The following TNFRSF10D variants were observed in gnomAD, a reference collection of about 807,000 sequenced individuals.
TNFRSF10D encodes TNF receptor superfamily member 10d, also known as tumor necrosis factor receptor superfamily member 10D.
Under a neutral mutation model 42.1 loss-of-function variants are expected in TNFRSF10D, and 28 were observed. The ratio of observed to expected loss-of-function variants is 0.66; its 90% CI spans 0.49 to 0.91. The LOEUF (loss-of-function observed/expected upper bound fraction) is 0.91. Ranked by LOEUF, TNFRSF10D falls within the 40% of genes least tolerant of loss-of-function variation. The pLI, the probability that TNFRSF10D is intolerant of heterozygous loss-of-function variation, is 0.00. For missense variants in TNFRSF10D, 503 were observed against 486.1 expected, an observed-to-expected ratio of 1.03 and a Z score of -0.33; for synonymous variants, 186 against 189.4, an observed-to-expected ratio of 0.98 and a Z score of 0.15.
At chr8:23,159,113 G>A (rs866502276) in intron 1 of TNFRSF10D, among the ~76,000 whole-genome samples, 4 of 150,170 alleles carry the variant, frequency 2.7e-5, no homozygotes, top group Middle Eastern at 3.4e-3. Context: ...GTGTGTCTGT[G>A]TCTGTGGTTT....
In TNFRSF10D at chr8:23,145,848, C is replaced by T. The variant is rs564770894; in HGVS notation, c.556G>A (p.Ala186Thr). Residue 186 changes from alanine to threonine, a missense_variant, in exon 5 of 9, where the codon GCC becomes ACC. Transcript: ENST00000312584. The stretch of plus-strand genomic sequence containing the variant: ...GCTGGGGTTTTCCCAGTGGAACTGG[C>T]AGCTGATTCATTTTTGCACTTGATG... ...SDIKCKNESAASSTGKTPAAE... is the reference protein window; with the variant it reads ...SDIKCKNESATSSTGKTPAAE... 1 of 1,614,218 alleles carries T rather than the reference C, an allele frequency of 6.2e-7. No individual in the cohort carries two copies. The highest frequency in any genetic ancestry group is 1.1e-5 in the South Asian group (1 of 91,086).
intron 7 of TNFRSF10D, among the ~76,000 whole-genome samples, chr8:23,140,117 A>G (rs60535259): frequency 0.18 from 27,663 of 151,948 alleles, 3,005 homozygotes; most frequent in African/African-American, 0.31. Context: ...GTGAAACCCC[A>G]CCTCTACTAA....
intron 2 of TNFRSF10D, among the ~76,000 whole-genome samples, chr8:23,153,647 A>G (rs1211818513): frequency 1.3e-5 from 2 of 152,140 alleles, no homozygotes; most frequent in Admixed American, 1.3e-4. Flanking sequence ...AATCAGGGAA[A>G]TGCAAATCAA....
At chr8:23,163,357 C>A (rs1445727279) in intron 1 of TNFRSF10D, among the ~76,000 whole-genome samples, 2 of 152,188 alleles carry the variant, frequency 1.3e-5, no homozygotes, top group Non-Finnish European at 2.9e-5. Flanking sequence ...CCCGCCTCGG[C>A]CTCCCAACGT....
In TNFRSF10D at chr8:23,148,456, A is replaced by G; in HGVS notation, c.352T>C (p.Cys118Arg). 10 of 1,609,528 alleles carry G rather than the reference A, an allele frequency of 6.2e-6. No individual in the cohort carries two copies. Among genetic ancestry groups the G allele is most frequent in the Non-Finnish European group, 8.5e-6 (10 of 1,176,946 alleles). The change falls in exon 3 of 9, where the codon TGT becomes CGT. Residue 118 changes from cysteine to arginine, a missense_variant. Coordinates refer to ENST00000312584, the MANE Select transcript of TNFRSF10D (RefSeq NM_003840.5). ...ASNNLPSCLL[C>R]TVCKSGQTNK... is the part of the protein sequence containing the mutation. ...TCTGTACCTGATTTACAAACTGTAC[A>G]TAGCAGGCAAGAAGGCAAATTGTTG... is the stretch of plus-strand genomic sequence containing the variant.
At chr8:23,145,628 C>A (rs1404944194) in intron 5 of TNFRSF10D, 40 bp downstream of exon 5, 5 of 1,611,848 alleles carry the variant, frequency 3.1e-6, no homozygotes, top group Non-Finnish European at 2.5e-6. Context: ...GAGGGCAGGG[C>A]AGACAGTGCC....
At chr8:23,157,447 G>C (rs572018092) in intron 1 of TNFRSF10D, among the ~76,000 whole-genome samples, 6 of 151,976 alleles carry the variant, frequency 3.9e-5, no homozygotes, top group African/African-American at 1.5e-4. Flanking sequence ...AGGTCATATC[G>C]CGTGTTTTAT....
In TNFRSF10D at chr8:23,147,082, G is replaced by A. The variant is rs1278590581; in HGVS notation, c.371-10C>T. ...CTTTTATTTGTTTGACCTGACAACA[G>A]AGCATAAGGTTTTGAGAATGTGTTT... On this transcript the variant is annotated splice_polypyrimidine_tract_variant and intron_variant, in intron 3 of 8. Transcript: ENST00000312584. 1 of 1,609,620 alleles carries A rather than the reference G, an allele frequency of 6.2e-7. No homozygotes were observed. The highest frequency in any genetic ancestry group is 2.2e-5 in the East Asian group (1 of 44,852).
At chr8:23,140,476 A>G (rs1814443569) in intron 7 of TNFRSF10D, among the ~76,000 whole-genome samples, 1 of 152,162 alleles carries the variant, frequency 6.6e-6, no homozygotes, top group Admixed American at 6.5e-5. Context: ...ATTACAAAAC[A>G]CTGCTAAAAG....
At chr8:23,151,335 T>A (rs1800209995) in intron 2 of TNFRSF10D, among the ~76,000 whole-genome samples, 1 of 152,026 alleles carries the variant, frequency 6.6e-6, no homozygotes, top group Non-Finnish European at 1.5e-5. Context: ...CAGTAAAGAC[T>A]TTATCAGACA....
At chr8:23,154,146 A>G (rs975298042) in intron 2 of TNFRSF10D, among the ~76,000 whole-genome samples, 1 of 152,238 alleles carries the variant, frequency 6.6e-6, no homozygotes, top group Non-Finnish European at 1.5e-5. Context: ...ATGATCTCAC[A>G]TATGTGGAAT....
chr8:23,154,250 CA>C (rs1474792974), intron 2 of TNFRSF10D, among the ~76,000 whole-genome samples: 5 of 152,098 alleles, frequency 3.3e-5, no homozygotes, highest in Non-Finnish European at 7.4e-5. Context: ...TCAAAGGATA[CA>C]AAATTTCAGT....
intron 1 of TNFRSF10D, among the ~76,000 whole-genome samples, chr8:23,163,090 T>TC (rs10667043): frequency 0.041 from 134 of 3,288 alleles, 3 homozygotes; most frequent in East Asian, 0.062. Context: ...CCTGGCTAAC[T>TC]TTTTTTTTTT....
intron 7 of TNFRSF10D, among the ~76,000 whole-genome samples, chr8:23,138,494 C>CCACTG (rs1404931490): frequency 6.0e-3 from 914 of 152,166 alleles, no homozygotes; most frequent in African/African-American, 0.019. Flanking sequence ...CCAACTTTGA[C>CCACTG]TATAGGCCTG....
At chr8:23,140,237 T>G (rs1018782307) in intron 7 of TNFRSF10D, among the ~76,000 whole-genome samples, 1 of 151,502 alleles carries the variant, frequency 6.6e-6, no homozygotes, top group African/African-American at 2.4e-5. Context: ...TGCAGTGAGC[T>G]GAGATCGCGC....
In TNFRSF10D at chr8:23,145,789, C is replaced by T. The variant is rs772328300; in HGVS notation, c.615G>A (p.Met205Ile). 11 of 1,614,160 alleles carry T rather than the reference C, an allele frequency of 6.8e-6. No homozygotes were observed. The highest frequency in any genetic ancestry group is 9.3e-6 in the Non-Finnish European group (11 of 1,179,984). ...AEETVTTILG[M>I]LASPYHYLII... ...TAAGGTAGTGATAGGGAGAGGCAAG[C>T]ATCCCCAGGATGGTGGTCACTGTCT... Residue 205 changes from methionine to isoleucine, a missense_variant, in exon 5 of 9, where the codon ATG becomes ATA. Met to Ile is a conservative substitution (Grantham distance 10, BLOSUM62 1). Coordinates refer to ENST00000312584, the MANE Select transcript of TNFRSF10D (RefSeq NM_003840.5).
chr8:23,148,810 G>A (rs929729810), intron 2 of TNFRSF10D, among the ~76,000 whole-genome samples: 3 of 132,766 alleles, frequency 2.3e-5, no homozygotes, highest in Non-Finnish European at 1.6e-5. Flanking sequence ...AAAGAATGAG[G>A]TCAAATTAAT....
chr8:23,159,156 G>A (rs1800326218), intron 1 of TNFRSF10D, among the ~76,000 whole-genome samples: 1 of 151,848 alleles, frequency 6.6e-6, no homozygotes, highest in South Asian at 2.1e-4. Context: ...TTTTGAGACA[G>A]CATTTTGCTA....
At chr8:23,143,293 T>C (rs563055097) in intron 7 of TNFRSF10D, among the ~76,000 whole-genome samples, 1 of 151,172 alleles carries the variant, frequency 6.6e-6, no homozygotes, top group Non-Finnish European at 1.5e-5. Flanking sequence ...CACCTTTCTA[T>C]AGTGTGGCAG....
Sources: gnomAD v4.1 joint callset for allele counts (sites outside exome capture counted in the v4.1 genomes callset) on GRCh38, gnomAD v4.1.1 for gene constraint, MANE v1.5 for transcripts, NCBI Gene and HGNC (gene_info 2026-07-23, HGNC 2026-07-21) for gene names.